THRB: variants seen among roughly 807,000 people sequenced by gnomAD.
THRB encodes thyroid hormone receptor beta.
In THRB, 12 loss-of-function variants were observed where a neutral mutation model predicts 47.8. The observed-to-expected ratio is 0.25, with a 90% CI of 0.16 to 0.41. The LOEUF (loss-of-function observed/expected upper bound fraction) is 0.41. Among genes scored for constraint, THRB ranks in the 10% least tolerant of loss-of-function variants. The pLI is 1.00. For missense variants in THRB, 348 were observed against 589.2 expected, an observed-to-expected ratio of 0.59 and a Z score of 4.24; for synonymous variants, 218 against 212.2, an observed-to-expected ratio of 1.03 and a Z score of -0.24.
intron 3 of THRB, among the ~76,000 whole-genome samples, chr3:24,268,002 C>T (rs1462261509): frequency 6.6e-6 from 1 of 152,104 alleles, no homozygotes; most frequent in East Asian, 1.9e-4. Context: ...ATTAGGCACA[C>T]AAAGAAAGTT....
chr3:24,412,391 A>G (rs2068377191), intron 1 of THRB, among the ~76,000 whole-genome samples: 1 of 151,844 alleles, frequency 6.6e-6, no homozygotes, highest in African/African-American at 2.4e-5. Flanking sequence ...ATTACAAAGA[A>G]GTCATCACAA....
intron 1 of THRB, among the ~76,000 whole-genome samples, chr3:24,463,370 TC>T (rs753355801): frequency 6.6e-6 from 1 of 152,122 alleles, no homozygotes; most frequent in Non-Finnish European, 1.5e-5. Flanking sequence ...AAGCCATCCT[TC>T]CACCTCAGCC....
chr3:24,412,796 A>G (rs1356839508), intron 1 of THRB, among the ~76,000 whole-genome samples: 1 of 151,894 alleles, frequency 6.6e-6, no homozygotes, highest in Non-Finnish European at 1.5e-5. Flanking sequence ...TTTACAATTT[A>G]AAGTTCATAC....
chr3:24,426,887 C>G (rs985600768), intron 1 of THRB, among the ~76,000 whole-genome samples: 1 of 151,910 alleles, frequency 6.6e-6, no homozygotes, highest in South Asian at 2.1e-4. Flanking sequence ...GAATCAAAAA[C>G]AAAGCCAGTG....
intron 5 of THRB, among the ~76,000 whole-genome samples, chr3:24,170,634 C>T (rs1014694917): frequency 1.3e-5 from 2 of 152,144 alleles, no homozygotes; most frequent in Non-Finnish European, 1.5e-5. Flanking sequence ...AATTCAAGGA[C>T]GCTGCACATG....
intron 4 of THRB, among the ~76,000 whole-genome samples, chr3:24,203,744 T>C (rs2044893701): frequency 6.6e-6 from 1 of 152,142 alleles, no homozygotes; most frequent in South Asian, 2.1e-4. Context: ...GGTCAGGGAA[T>C]TCCGTTTCTT....
chr3:24,147,537 C>A (rs1363172388), intron 6 of THRB, among the ~76,000 whole-genome samples: 1 of 152,162 alleles, frequency 6.6e-6, no homozygotes, highest in Non-Finnish European at 1.5e-5. Flanking sequence ...TTCAATGATT[C>A]TTCCTTTCTT....
Position 24,190,269 on chromosome 3 carries a change from C to T in THRB, c.88G>A (p.Val30Ile). 1 of 1,614,120 alleles carries T rather than the reference C, an allele frequency of 6.2e-7. No individual in the cohort carries two copies. Among genetic ancestry groups the T allele is most frequent in the Non-Finnish European group, 8.5e-7 (1 of 1,179,972 alleles). ...TGTAGGCAGGCTTCAGACATTCCTA[C>T]TAGCTTCCAGTCGTGTTCTCGGTCT... ...CPDREHDWKL[V>I]GMSEACLHRK... Residue 30 changes from valine (V) to isoleucine (I), a missense_variant, in exon 5 of 11, where the codon GTA becomes ATA. Val to Ile is a conservative substitution (Grantham distance 29). This residue lies in a region of THRB where 148 missense variants were observed against 122.3 expected (regional missense o/e 1.21). Transcript: ENST00000646209.
At chr3:24,328,480 G>A (rs2061725132) in intron 2 of THRB, among the ~76,000 whole-genome samples, 1 of 151,896 alleles carries the variant, frequency 6.6e-6, no homozygotes, top group South Asian at 2.1e-4. Context: ...TCCCTATTCC[G>A]GCCCTTAGAT....
chr3:24,311,313 T>A (rs764638211), intron 2 of THRB, among the ~76,000 whole-genome samples: 7 of 152,208 alleles, frequency 4.6e-5, no homozygotes, highest in African/African-American at 7.2e-5. Context: ...ATATTTCTTT[T>A]AAATACTGTG....
chr3:24,375,768 T>C (rs758040404), intron 1 of THRB, among the ~76,000 whole-genome samples: 25 of 151,878 alleles, frequency 1.6e-4, no homozygotes, highest in South Asian at 8.3e-4. Context: ...CCCAGGGACA[T>C]TGAGGTCTGC....
chr3:24,284,558 A>C (rs1211186587), intron 3 of THRB, among the ~76,000 whole-genome samples: 2 of 151,650 alleles, frequency 1.3e-5, no homozygotes, highest in African/African-American at 4.9e-5. Flanking sequence ...AAGCAATGTC[A>C]ACAAAAGCCA....
intron 3 of THRB, among the ~76,000 whole-genome samples, chr3:24,264,018 T>C (rs6789536): frequency 0.03 from 4,541 of 152,258 alleles, 211 homozygotes; most frequent in African/African-American, 0.1. Context: ...CTGACATTAA[T>C]GTCTATTGGC....
chr3:24,493,090 T>C (rs1698422996), intron 1 of THRB, among the ~76,000 whole-genome samples: 1 of 152,202 alleles, frequency 6.6e-6, no homozygotes, highest in South Asian at 2.1e-4. Flanking sequence ...AATCACTTGG[T>C]ACTGGATTTC....
At chr3:24,390,545 A>T (rs966337583) in intron 1 of THRB, among the ~76,000 whole-genome samples, 13 of 152,068 alleles carry the variant, frequency 8.5e-5, no homozygotes, top group Non-Finnish European at 1.3e-4. Context: ...TATTATAAGC[A>T]TTTCTGTAAC....
intron 9 of THRB, among the ~76,000 whole-genome samples, chr3:24,129,528 C>T (rs1243358608): frequency 6.6e-6 from 1 of 152,146 alleles, no homozygotes; most frequent in Non-Finnish European, 1.5e-5. Context: ...AAGATTAGTT[C>T]AAATTTAAAT....
chr3:24,491,214 T>C lies in THRB; in HGVS notation c.-261+3438A>G, dbSNP rs963713073. 5.3e-5 allele frequency among the ~76,000 whole-genome samples: 8 copies of C among 152,312 alleles called. No individual in the cohort carries two copies. In the South Asian group the frequency reaches 1.2e-3, roughly 24 times the overall value. ...TGTAGTTTAATTATCTTCCCTCCTCTACAAGATTTTGATCTTTCTTCCCCT... is the reference window on the plus strand; with the variant it reads ...TGTAGTTTAATTATCTTCCCTCCTCCACAAGATTTTGATCTTTCTTCCCCT... On this transcript the variant is annotated intron_variant, in intron 1 of 10. Transcript: ENST00000646209.
At chr3:24,273,148 C>CACCCACA (rs2053533799) in intron 3 of THRB, among the ~76,000 whole-genome samples, 1 of 151,414 alleles carries the variant, frequency 6.6e-6, no homozygotes, top group African/African-American at 2.4e-5. Flanking sequence ...ACACACACAC[C>CACCCACA]CACACACACC....
intron 1 of THRB, among the ~76,000 whole-genome samples, chr3:24,357,343 T>C: frequency 7.6e-5 from 2 of 26,244 alleles, no homozygotes; most frequent in African/African-American, 1.5e-4. Context: ...TCCTTGTCTC[T>C]CCCAAAAAAA....
Sources: allele counts gnomAD v4.1 joint callset (sites outside exome capture counted in the v4.1 genomes callset), GRCh38; gene constraint gnomAD v4.1.1; regional missense constraint gnomAD v4.1.1; transcripts MANE v1.5; gene names NCBI Gene and HGNC (gene_info 2026-07-23, HGNC 2026-07-21).